The following TRANK1 variants were observed in gnomAD, a reference collection of about 807,000 sequenced individuals.
TRANK1 encodes tetratricopeptide repeat and ankyrin repeat containing 1.
In TRANK1, 198 loss-of-function variants were observed where a neutral mutation model predicts 266.0. That is an observed-to-expected ratio of 0.74 (90% CI 0.66 to 0.84). The LOEUF (loss-of-function observed/expected upper bound fraction) is 0.84. Ranked by LOEUF, TRANK1 falls within the 40% of genes least tolerant of loss-of-function variation. TRANK1 has a pLI of 0.00. For synonymous variants in TRANK1, 1,396 were observed against 1,384.1 expected, an observed-to-expected ratio of 1.01 and a Z score of -0.19; for missense variants, 3,326 against 3,634.6, an observed-to-expected ratio of 0.92 and a Z score of 2.18.
chr3:36,831,324 C>T lies in TRANK1; in HGVS notation c.8259G>A (p.Glu2753=), dbSNP rs745479695. The change falls in exon 22 of 24, where the codon GAG becomes GAA. Residue 2753 remains glutamate, a synonymous_variant. Transcript: ENST00000645898. The surrounding 1 kb of genome is among the most constrained non-coding windows in gnomAD (Gnocchi z 5.0). ...QMERVREEAR[E]PRAGNFKKAD... is the part of the protein sequence containing the mutation. The stretch of plus-strand genomic sequence containing the variant: ...CCTTTTTGAAGTTCCCAGCCCTGGG[C>T]TCCCTGGCCTCCTCCCTGACACGCT... 5 of 1,613,642 alleles carry T rather than the reference C, an allele frequency of 3.1e-6. No homozygotes were observed. Among genetic ancestry groups the T allele is most frequent in the African/African-American group, 2.7e-5 (2 of 75,048 alleles).
intron 2 of TRANK1, among the ~76,000 whole-genome samples, chr3:36,904,212 C>T (rs1297973266): frequency 6.6e-6 from 1 of 151,984 alleles, no homozygotes; most frequent in Non-Finnish European, 1.5e-5. Flanking sequence ...CCTCAGCTTC[C>T]CAAAGTGCTG....
chr3:36,937,881 G>T (rs2080445091), intron 1 of TRANK1, among the ~76,000 whole-genome samples: 1 of 152,182 alleles, frequency 6.6e-6, no homozygotes, highest in Non-Finnish European at 1.5e-5. Context: ...AATCAAAGGA[G>T]AACTTGGGCT....
chr3:36,827,750 T>A lies in TRANK1; in HGVS notation c.*525A>T, dbSNP rs540579684. 1 of 152,756 alleles carries A rather than the reference T, an allele frequency of 6.5e-6. No homozygotes were observed. Among genetic ancestry groups the A allele is most frequent in the Admixed American group, 6.5e-5 (1 of 15,338 alleles). The allele number at this position is 152,756 out of a possible 1,614,324, so 9.5% of individuals were successfully genotyped here. ...GCTACACTACAAGTGGGCTCAGAGA[T>A]GACCAGAATGCGTCCTGGGCTCGGG... On this transcript the variant is annotated 3_prime_UTR_variant, in exon 24 of 24. Coordinates refer to ENST00000645898, the MANE Select transcript of TRANK1 (RefSeq NM_001329998.2).
intron 1 of TRANK1, among the ~76,000 whole-genome samples, chr3:36,939,287 A>ACACACG (rs1351068469): frequency 6.6e-6 from 1 of 151,678 alleles, no homozygotes; most frequent in African/African-American, 2.4e-5. Context: ...ACACACACAC[A>ACACACG]CACACACACA....
intron 1 of TRANK1, among the ~76,000 whole-genome samples, chr3:36,935,498 T>C (rs900045979): frequency 2.1e-5 from 3 of 141,530 alleles, no homozygotes; most frequent in Non-Finnish European, 4.5e-5. Flanking sequence ...TTGCCCAGGC[T>C]GGAATGCAAT....
intron 1 of TRANK1, among the ~76,000 whole-genome samples, chr3:36,934,750 G>A (rs2080401940): frequency 6.6e-6 from 1 of 152,142 alleles, no homozygotes. Flanking sequence ...ATCAACTTGT[G>A]CATTTAAGCA....
At chr3:36,944,533 C>T (rs1234207024) in intron 1 of TRANK1, among the ~76,000 whole-genome samples, 1 of 152,188 alleles carries the variant, frequency 6.6e-6, no homozygotes, top group Admixed American at 6.5e-5. Context: ...GGCCGCGCGC[C>T]GCCGCAGTCC....
chr3:36,856,267 C>T lies in TRANK1; in HGVS notation c.3455G>A (p.Ser1152Asn). 6.2e-7 allele frequency: 1 copy of T among 1,606,890 alleles called. No individual in the cohort carries two copies. The highest frequency in any genetic ancestry group is 1.1e-5 in the South Asian group (1 of 90,472). ...EDSIEVETVESIDEQEYEACA... is the reference protein window; with the variant it reads ...EDSIEVETVENIDEQEYEACA... ...GGCTTCATACTCCTGCTCATCTATGCTTTCTACTGTTTCCACTTCAATAGA... is the reference window on the plus strand; with the variant it reads ...GGCTTCATACTCCTGCTCATCTATGTTTTCTACTGTTTCCACTTCAATAGA... The change falls in exon 13 of 24, where the codon AGC becomes AAC. Residue 1152 changes from serine (S) to asparagine (N), a missense_variant. Transcript: ENST00000645898.
chr3:36,855,574 T>A lies in TRANK1; in HGVS notation c.4148A>T (p.Asn1383Ile). The change falls in exon 13 of 24, where the codon AAT becomes ATT. Residue 1383 changes from asparagine to isoleucine, a missense_variant. Asn to Ile is a moderately radical substitution (Grantham distance 149). Coordinates refer to ENST00000645898, the MANE Select transcript of TRANK1 (RefSeq NM_001329998.2). Reference sequence around the variant, plus strand: ...GATCTCACTCCGGTCTTCCTTGAAATTGGGGCACCGTTTCCTCCCTAATTT... The same window carrying A: ...GATCTCACTCCGGTCTTCCTTGAAAATGGGGCACCGTTTCCTCCCTAATTT... ...YKKLGRKRCP[N>I]FKEDRSEIYS... The A allele has an allele frequency of 6.2e-7, 1 of 1,613,520 alleles. No individual in the cohort carries two copies. The highest frequency in any genetic ancestry group is 1.3e-5 in the African/African-American group (1 of 74,846).
At chr3:36,872,150 C>T (rs2079318822) in intron 9 of TRANK1, among the ~76,000 whole-genome samples, 2 of 152,188 alleles carry the variant, frequency 1.3e-5, no homozygotes, top group Non-Finnish European at 2.9e-5. Context: ...CCTATAATCC[C>T]AGCACTTTGG....
intron 4 of TRANK1, among the ~76,000 whole-genome samples, chr3:36,897,432 C>G (rs2079809353): frequency 6.6e-6 from 1 of 152,200 alleles, no homozygotes; most frequent in Non-Finnish European, 1.5e-5. Flanking sequence ...TAGAGACTTT[C>G]CACTTCCCTG....
intron 1 of TRANK1, among the ~76,000 whole-genome samples, chr3:36,913,710 C>T (rs932024563): frequency 1.3e-5 from 2 of 152,028 alleles, no homozygotes; most frequent in African/African-American, 4.8e-5. Context: ...AAGAAACTCA[C>T]TCAAAATATT....
intron 21 of TRANK1, 184 bp downstream of exon 21, chr3:36,834,578 C>T (rs1220268928): frequency 3.4e-6 from 2 of 589,274 alleles, no homozygotes; most frequent in East Asian, 6.1e-5. Flanking sequence ...TATAAAGAGA[C>T]TGGAAAATAG....
rs1323902940 is a variant in TRANK1 at position 36,832,530 on chromosome 3, G to A, written c.7053C>T (p.Leu2351=). 6.2e-7 allele frequency: 1 copy of A among 1,613,916 alleles called. No homozygotes were observed. The highest frequency in any genetic ancestry group is 8.5e-7 in the Non-Finnish European group (1 of 1,179,890). Residue 2351 remains leucine (L), a synonymous_variant, in exon 22 of 24, where the codon CTC becomes CTT. Transcript: ENST00000645898. ...TGTTGTAGTTGTCCTCCTCCTGGTGGAGCAGCTTTTCAAACTCCTCCGGGT... is the reference window on the plus strand; with the variant it reads ...TGTTGTAGTTGTCCTCCTCCTGGTGAAGCAGCTTTTCAAACTCCTCCGGGT... The part of the protein sequence containing the change: ...SNYPEEFEKL[L]HQEEDNYNRE...
rs1559414250 is a variant in TRANK1, at chr3:36,833,352, A to G, written c.6231T>C (p.Pro2077=). Residue 2077 remains proline (P), a synonymous_variant, in exon 22 of 24, where the codon CCT becomes CCC. Transcript: ENST00000645898. ...YEAASQCEAE[P]EKILGLAPGG... Reference sequence around the variant, plus strand: ...CTGGAGCCAGGCCCAGAATCTTCTCAGGCTCGGCCTCACACTGGCTGGCTG... The same window carrying G: ...CTGGAGCCAGGCCCAGAATCTTCTCGGGCTCGGCCTCACACTGGCTGGCTG... 1.3e-5 allele frequency: 21 copies of G among 1,613,888 alleles called. No homozygotes were observed. Among genetic ancestry groups the G allele is most frequent in the Non-Finnish European group, 1.8e-5 (21 of 1,179,792 alleles).
At chr3:36,906,938 G>A (rs1185124237) in intron 2 of TRANK1, among the ~76,000 whole-genome samples, 1 of 152,200 alleles carries the variant, frequency 6.6e-6, no homozygotes, top group Admixed American at 6.5e-5. Flanking sequence ...AAGACATAAT[G>A]TGCCTTGTTC....
chr3:36,830,105 A>G (rs2125501451), intron 22 of TRANK1, among the ~76,000 whole-genome samples: 1 of 152,332 alleles, frequency 6.6e-6, no homozygotes, highest in Admixed American at 6.5e-5. Flanking sequence ...ACCTGGGATC[A>G]GGAGTTTGAG....
At chr3:36,849,317 G>A (rs189041722) in intron 15 of TRANK1, among the ~76,000 whole-genome samples, 5 of 152,298 alleles carry the variant, frequency 3.3e-5, no homozygotes, top group Admixed American at 6.5e-5. Flanking sequence ...GCTTGAGGGT[G>A]ACTGGAAGAA....
At chr3:36,846,598 GA>G (rs1322698718) in intron 16 of TRANK1, among the ~76,000 whole-genome samples, 194 bp from the exon 17 acceptor site, 1 of 152,194 alleles carries the variant, frequency 6.6e-6, no homozygotes, top group African/African-American at 2.4e-5. Flanking sequence ...GTGAGGCTAT[GA>G]GAAACTCCAC....
Sources: gnomAD v4.1 joint callset for allele counts (sites outside exome capture counted in the v4.1 genomes callset) on GRCh38, gnomAD v4.1.1 for gene constraint, Gnocchi (gnomAD v3.1) non-coding constraint, MANE v1.5 for transcripts, NCBI Gene and HGNC (gene_info 2026-07-23, HGNC 2026-07-21) for gene names.